The following NRXN3 variants were observed in gnomAD, a reference collection of about 807,000 sequenced individuals.
The protein encoded by NRXN3 is neurexin III.
NRXN3 carries 32 observed loss-of-function variants against 137.6 expected under a neutral mutation model. The ratio of observed to expected loss-of-function variants is 0.23; its 90% CI spans 0.18 to 0.31. NRXN3 has a LOEUF of 0.31. Among genes scored for constraint, NRXN3 ranks in the 10% least tolerant of loss-of-function variants. NRXN3 has a pLI of 1.00. For missense variants in NRXN3, 1,574 were observed against 2,062.5 expected (o/e 0.76, Z 4.59); for synonymous variants, 798 against 784.5 (o/e 1.02, Z -0.29).
chr14:79,276,064 G>A (rs549241782), intron 15 of NRXN3, among the ~76,000 whole-genome samples: 1 of 152,254 alleles, frequency 6.6e-6, no homozygotes, highest in African/African-American at 2.4e-5. Context: ...CACTAGAAAA[G>A]CCAACTCAAG....
chr14:79,856,839 A>G (rs760603485), intron 20 of NRXN3, among the ~76,000 whole-genome samples: 3 of 152,156 alleles, frequency 2.0e-5, no homozygotes, highest in Non-Finnish European at 4.4e-5. Flanking sequence ...TAGACCTTTT[A>G]TATCTCTAAT....
intron 1 of NRXN3, among the ~76,000 whole-genome samples, chr14:78,219,057 A>G (rs1347551202): frequency 6.6e-6 from 1 of 152,162 alleles, no homozygotes; most frequent in Non-Finnish European, 1.5e-5. Context: ...AGATTGGATT[A>G]GGGCCCACCC....
intron 15 of NRXN3, among the ~76,000 whole-genome samples, chr14:79,132,046 GTGCGTGCACCCACTGACC>G (rs1399062643): frequency 3.9e-5 from 6 of 152,264 alleles, no homozygotes; most frequent in African/African-American, 1.4e-4. Flanking sequence ...CTCACGCACG[GTGCGTGCACCCACTGACC>G]TGCGCGCACT....
chr14:79,351,776 T>G (rs937054151), intron 15 of NRXN3, among the ~76,000 whole-genome samples: 1 of 152,216 alleles, frequency 6.6e-6, no homozygotes, highest in African/African-American at 2.4e-5. Flanking sequence ...CATCATGACT[T>G]CTTTTAATCA....
At chr14:78,467,005 A>C (rs1341140310) in intron 4 of NRXN3, among the ~76,000 whole-genome samples, 2 of 152,186 alleles carry the variant, frequency 1.3e-5, no homozygotes, top group African/African-American at 4.8e-5. Flanking sequence ...AAAAAAAGAA[A>C]ATATTTGGAT....
At position 79,148,231 on chromosome 14, in the gene NRXN3, A is replaced by G. The variant is rs571427925; in HGVS notation, c.3262+160090A>G. Among the ~76,000 whole-genome samples the G allele has an allele frequency of 3.3e-5, 5 of 152,238 alleles. No homozygotes were observed. The South Asian group carries it at 1.0e-3, about 32-fold the overall frequency. On this transcript the variant is annotated intron_variant, in intron 15 of 20. Coordinates refer to ENST00000335750, the MANE Select transcript of NRXN3 (RefSeq NM_001330195.2). ...GGAGGAGGGTTTACTGGAAGCTCAG[A>G]GGGTTCATGGTAGCCCACTCTGCAG...
chr14:79,827,051 G>C (rs2099305656), intron 20 of NRXN3, among the ~76,000 whole-genome samples: 1 of 152,188 alleles, frequency 6.6e-6, no homozygotes, highest in African/African-American at 2.4e-5. Context: ...TGCAGATTGA[G>C]CATTTACTGT....
At chr14:78,924,034 G>A (rs1485988520) in intron 10 of NRXN3, among the ~76,000 whole-genome samples, 1 of 152,200 alleles carries the variant, frequency 6.6e-6, no homozygotes, top group Non-Finnish European at 1.5e-5. Context: ...TGGATCACCT[G>A]AGGCCAGGAG....
intron 20 of NRXN3, among the ~76,000 whole-genome samples, chr14:79,839,144 T>C (rs570907108): frequency 6.6e-6 from 1 of 152,116 alleles, no homozygotes; most frequent in South Asian, 2.1e-4. Context: ...TACTTTCTTA[T>C]GCTGGATCAG....
At chr14:78,241,197 T>C (rs2067034182) in intron 1 of NRXN3, among the ~76,000 whole-genome samples, 1 of 152,226 alleles carries the variant, frequency 6.6e-6, no homozygotes, top group South Asian at 2.1e-4. Context: ...TCAGTACTTT[T>C]GTTTTTACAC....
chr14:78,596,387 C>T (rs772677300), intron 4 of NRXN3, among the ~76,000 whole-genome samples: 1 of 152,066 alleles, frequency 6.6e-6, no homozygotes. Flanking sequence ...ACTGCATCAG[C>T]CTAGTGGGAG....
At position 79,417,816 on chromosome 14, in the gene NRXN3, A is replaced by G. The variant is rs17109161; in HGVS notation, c.3263-49405A>G. On this transcript the variant is annotated intron_variant, in intron 15 of 20. Coordinates refer to ENST00000335750, the MANE Select transcript of NRXN3 (RefSeq NM_001330195.2). ...GTTCAATCCCCATGCTCAAAAACACATACTTCCAGCTCTCTGAGATGATAT... is the reference window on the plus strand; with the variant it reads ...GTTCAATCCCCATGCTCAAAAACACGTACTTCCAGCTCTCTGAGATGATAT... 2.4e-3 allele frequency among the ~76,000 whole-genome samples: 360 copies of G among 152,274 alleles called. 8 individuals carry two copies. The East Asian group carries it at 0.058, about 25-fold the overall frequency.
rs116042001 is a variant in NRXN3, at chr14:79,263,035, C to G, written c.3263-204186C>G. Among the ~76,000 whole-genome samples the G allele has an allele frequency of 2.3e-3, 357 of 152,226 alleles. 2 individuals carry two copies. The highest frequency in any genetic ancestry group is 8.5e-3 in the African/African-American group (354 of 41,512). On this transcript the variant is annotated intron_variant, in intron 15 of 20. Transcript: ENST00000335750. ...TGTGGCCTGTTTGTTTGACCTCAGT[C>G]TTAATGATGAACTACCAGGAAAATG...
At chr14:79,659,317 T>C (rs1490866504) in intron 16 of NRXN3, among the ~76,000 whole-genome samples, 1 of 152,088 alleles carries the variant, frequency 6.6e-6, no homozygotes, top group African/African-American at 2.4e-5. Flanking sequence ...GCAACTTTAG[T>C]GGTGATGGCT....
At position 78,969,814 on chromosome 14, in the gene NRXN3, A is replaced by AGTGTGTGT. The variant is rs376306137; in HGVS notation, c.3142+1503_3142+1510dup. Among the ~76,000 whole-genome samples, 411 of 141,498 alleles carry AGTGTGTGT rather than the reference A, an allele frequency of 2.9e-3. 3 individuals carry two copies. The highest frequency in any genetic ancestry group is 9.8e-3 in the East Asian group (46 of 4,708). 92.8% of individuals were successfully genotyped at this position (141,498 alleles called of 152,430 possible). ...GCCAAATATGGTGTTTGTACTATGT[A>AGTGTGTGT]GTGTGTGTGTGTGTGTGTGTGTGTG... On this transcript the variant is annotated intron_variant, in intron 14 of 20. Transcript: ENST00000335750.
intron 15 of NRXN3, among the ~76,000 whole-genome samples, chr14:79,035,294 A>C (rs1298040748): frequency 6.6e-6 from 1 of 152,126 alleles, no homozygotes; most frequent in African/African-American, 2.4e-5. Context: ...AAATTATTTT[A>C]AGTGAGGACT....
At chr14:78,424,266 T>C (rs2153680705) in intron 4 of NRXN3, among the ~76,000 whole-genome samples, 1 of 152,358 alleles carries the variant, frequency 6.6e-6, no homozygotes, top group East Asian at 1.9e-4. Flanking sequence ...TTTAGATGTC[T>C]TCTTTCCTTG....
chr14:79,789,182 G>C (rs1183510839), intron 19 of NRXN3, among the ~76,000 whole-genome samples: 1 of 152,154 alleles, frequency 6.6e-6, no homozygotes, highest in African/African-American at 2.4e-5. Context: ...TATCCTGGAA[G>C]TACTTTCTAG....
At chr14:78,682,950 A>C (rs2098090248) in intron 6 of NRXN3, among the ~76,000 whole-genome samples, 1 of 152,206 alleles carries the variant, frequency 6.6e-6, no homozygotes, top group Non-Finnish European at 1.5e-5. Flanking sequence ...TGACTTAGTA[A>C]TATGTCAGAA....
Sources: allele counts gnomAD v4.1 joint callset (sites outside exome capture counted in the v4.1 genomes callset), GRCh38; gene constraint gnomAD v4.1.1; transcripts MANE v1.5; gene names NCBI Gene and HGNC (gene_info 2026-07-23, HGNC 2026-07-21).